The following MYLK variants were observed in gnomAD, a reference collection of about 807,000 sequenced individuals.
The protein encoded by MYLK is myosin light chain kinase.
Under a neutral mutation model 203.4 loss-of-function variants are expected in MYLK, and 106 were observed. The ratio of observed to expected loss-of-function variants is 0.52; its 90% confidence interval spans 0.45 to 0.61. The LOEUF (loss-of-function observed/expected upper bound fraction) is 0.61, where lower values mean the gene tolerates loss of function less well. Among genes scored for constraint, MYLK ranks in the 20% least tolerant of loss-of-function variants. The pLI, the probability that MYLK is intolerant of heterozygous loss-of-function variation, is 0.00. For synonymous variants in MYLK, 867 were observed against 959.5 expected, an observed-to-expected ratio of 0.90 and a Z score of 1.78; for missense variants, 2,072 against 2,442.3, an observed-to-expected ratio of 0.85 and a Z score of 3.20.
chr3:123,809,502 G>A (rs1160653149), intron 3 of MYLK, among the ~76,000 whole-genome samples: 1 of 152,074 alleles, frequency 6.6e-6, no homozygotes. Context: ...CTCCAGCCTG[G>A]GCAACAAGAG....
intron 17 of MYLK, among the ~76,000 whole-genome samples, chr3:123,701,225 T>C (rs1211591824): frequency 2.2e-5 from 2 of 93,000 alleles, no homozygotes; most frequent in African/African-American, 6.9e-5. Context: ...AGTAGCCTTA[T>C]AAGGGTGTGT....
intron 4 of MYLK, among the ~76,000 whole-genome samples, chr3:123,780,958 C>A (rs1206348828): frequency 6.6e-6 from 1 of 152,186 alleles, no homozygotes; most frequent in Non-Finnish European, 1.5e-5. Context: ...GAGACCACAA[C>A]TGGCAAGGAA....
chr3:123,758,042 C>T (rs777457844), intron 4 of MYLK, among the ~76,000 whole-genome samples: 2 of 150,210 alleles, frequency 1.3e-5, no homozygotes, highest in African/African-American at 2.5e-5. Context: ...AATAAATGGA[C>T]GTGGTTGCAC....
At chr3:123,788,259 T>A (rs982172519) in intron 4 of MYLK, among the ~76,000 whole-genome samples, 4 of 152,140 alleles carry the variant, frequency 2.6e-5, no homozygotes, top group African/African-American at 9.7e-5. Flanking sequence ...AGCACCTAAT[T>A]ATACACTGTC....
chr3:123,682,325 G>A lies in MYLK; in HGVS notation c.3566-15C>T. 1 of 1,577,152 alleles carries A rather than the reference G, an allele frequency of 6.3e-7. No homozygotes were observed. Among genetic ancestry groups the A allele is most frequent in the Non-Finnish European group, 8.6e-7 (1 of 1,157,008 alleles). ...GGCTGGAGCATCTGGAATGAAACAGGTAACAATAAATGTTAGCAGCTGCTG... is the reference window on the plus strand; with the variant it reads ...GGCTGGAGCATCTGGAATGAAACAGATAACAATAAATGTTAGCAGCTGCTG... On this transcript the variant is annotated splice_polypyrimidine_tract_variant and intron_variant, in intron 19 of 33. Transcript: ENST00000360304.
chr3:123,734,565 G>A (rs2062609442), intron 9 of MYLK: 1 of 219,512 alleles, frequency 4.6e-6, no homozygotes, highest in Admixed American at 5.3e-5. Flanking sequence ...AGCGACCATA[G>A]TCGATCTTTT....
intron 11 of MYLK, among the ~76,000 whole-genome samples, chr3:123,727,691 G>A (rs754114785): frequency 8.5e-5 from 13 of 152,144 alleles, no homozygotes; most frequent in Admixed American, 2.0e-4. Flanking sequence ...AGTAGGAGCT[G>A]CAGGGGCTCT....
At chr3:123,672,207 GGA>G (rs3085308) in intron 20 of MYLK, among the ~76,000 whole-genome samples, 117,310 of 146,432 alleles carry the variant, frequency 0.8, 49,518 homozygotes, top group Non-Finnish European at 0.96. Flanking sequence ...GGCAGGGGGA[GGA>G]GAGAGAGAGA....
intron 10 of MYLK, 139 bp from the exon 11 acceptor site, chr3:123,733,241 C>T: frequency 1.1e-6 from 1 of 950,034 alleles, no homozygotes; most frequent in Non-Finnish European, 1.6e-6. Context: ...GAGTCTGCTT[C>T]CTCACCCTCA....
At chr3:123,752,982 G>A (rs1040499632) in intron 4 of MYLK, among the ~76,000 whole-genome samples, 3 of 152,114 alleles carry the variant, frequency 2.0e-5, no homozygotes, top group Non-Finnish European at 2.9e-5. Context: ...CTACAGGTCC[G>A]GGCTGGGGCC....
intron 5 of MYLK, among the ~76,000 whole-genome samples, chr3:123,744,285 C>T (rs1238990619): frequency 5.9e-5 from 9 of 152,114 alleles, no homozygotes; most frequent in Non-Finnish European, 2.9e-5. Flanking sequence ...TGCTCAGGCA[C>T]ATTAGATGAC....
Position 123,618,635 on chromosome 3 carries a change from T to A in MYLK, c.5500+4A>T, listed in dbSNP as rs1272266347. ...TGGTGAAGAGAAGCACAGCTACAAC[T>A]TACCTTCAATCTTGCAGTCAAATCT... On this transcript the variant is annotated splice_donor_region_variant and intron_variant, in intron 33 of 33. Coordinates refer to ENST00000360304, the MANE Select transcript of MYLK (RefSeq NM_053025.4). The A allele has an allele frequency of 4.3e-6, 7 of 1,613,924 alleles. No homozygotes were observed. The South Asian group carries it at 7.7e-5, about 18-fold the overall frequency.
rs768697251 is a variant in MYLK, at chr3:123,733,056, G to A, written c.1356C>T (p.Thr452=). Residue 452 remains threonine, a synonymous_variant, in exon 11 of 34, where the codon ACC becomes ACT. Coordinates refer to ENST00000360304, the MANE Select transcript of MYLK (RefSeq NM_053025.4). ...KPEVAWFLEG[T]PVRRQEGSIE... ...TGCTGCCTTCCTGTCTCCTCACGGG[G>A]GTGCCTTCCAGGAACCAGGCCACTT... 55 of 1,613,956 alleles carry A rather than the reference G, an allele frequency of 3.4e-5. No individual in the cohort carries two copies. The highest frequency in any genetic ancestry group is 1.6e-4 in the Middle Eastern group (1 of 6,084).
Position 123,840,370 on chromosome 3 carries a change from T to TTA in MYLK, c.-126-8702_-126-8701dup, listed in dbSNP as rs56361020. 7.8e-3 allele frequency among the ~76,000 whole-genome samples: 1,157 copies of TTA among 148,674 alleles called. 12 individuals carry two copies. Among genetic ancestry groups the TTA allele is most frequent in the African/African-American group, 0.021 (866 of 40,634 alleles). ...AACATCACTACAAATCCTACAGACA[T>TTA]TATATATATATATATATATATATGA... is the stretch of plus-strand genomic sequence containing the variant. On this transcript the variant is annotated intron_variant, in intron 2 of 33. Transcript: ENST00000360304.
At chr3:123,638,345 CT>C (rs1366383949) in intron 28 of MYLK, 151 bp from the exon 29 acceptor site, 5 of 1,118,622 alleles carry the variant, frequency 4.5e-6, no homozygotes, top group Non-Finnish European at 6.6e-6. Context: ...ATCTGACCTC[CT>C]TGTTAAACAG....
chr3:123,849,994 T>A (rs1462922721), intron 2 of MYLK, among the ~76,000 whole-genome samples: 2 of 152,204 alleles, frequency 1.3e-5, no homozygotes, highest in African/African-American at 2.4e-5. Context: ...ATATGCGGTG[T>A]TTGGTTTTTT....
chr3:123,797,218 C>T (rs1055538454), intron 3 of MYLK, among the ~76,000 whole-genome samples: 3 of 152,112 alleles, frequency 2.0e-5, no homozygotes, highest in Non-Finnish European at 4.4e-5. Context: ...TAACAATTAA[C>T]ATTTTGCCAT....
chr3:123,818,296 C>T (rs2065813070), intron 3 of MYLK, among the ~76,000 whole-genome samples: 1 of 152,218 alleles, frequency 6.6e-6, no homozygotes, highest in Admixed American at 6.5e-5. Flanking sequence ...AGATTAAACA[C>T]AATCAGTCCC....
intron 28 of MYLK, among the ~76,000 whole-genome samples, chr3:123,639,261 C>G (rs759583703): frequency 6.6e-6 from 1 of 152,248 alleles, no homozygotes; most frequent in Non-Finnish European, 1.5e-5. Context: ...GCGCCCAGCG[C>G]CGAGGCATGT....
Sources: gnomAD v4.1 joint callset for allele counts (sites outside exome capture counted in the v4.1 genomes callset) on GRCh38, gnomAD v4.1.1 for gene constraint, MANE v1.5 for transcripts, NCBI Gene and HGNC (gene_info 2026-07-23, HGNC 2026-07-21) for gene names.